Variants in MYO5B observed in about 807,000 individuals in gnomAD.
The protein encoded by MYO5B is myosin VB, also known as unconventional myosin-Vb.
MYO5B carries 143 observed loss-of-function variants against 229.3 expected under a neutral mutation model. The observed-to-expected ratio is 0.62, with a 90% CI of 0.54 to 0.72. The LOEUF (loss-of-function observed/expected upper bound fraction) is 0.72, where lower values mean the gene tolerates loss of function less well. Among genes scored for constraint, MYO5B ranks in the 30% least tolerant of loss-of-function variants. MYO5B has a pLI of 0.00. For missense variants in MYO5B, 2,321 were observed against 2,331.0 expected, an observed-to-expected ratio of 1.00 and a Z score of 0.09; for synonymous variants, 918 against 885.2, an observed-to-expected ratio of 1.04 and a Z score of -0.66.
At chr18:49,908,374 T>G (rs1367604995) in intron 18 of MYO5B, among the ~76,000 whole-genome samples, 1 of 152,156 alleles carries the variant, frequency 6.6e-6, no homozygotes, top group Non-Finnish European at 1.5e-5. Flanking sequence ...AGAACCTTTC[T>G]CCAAGAGTCA....
chr18:49,906,659 G>T, intron 18 of MYO5B, 29 bp from the exon 19 acceptor site: 1 of 1,581,992 alleles, frequency 6.3e-7, no homozygotes, highest in Non-Finnish European at 8.7e-7. Flanking sequence ...GGATCTGGTT[G>T]GTCACCAGTG....
chr18:49,994,402 T>C (rs930073657), intron 5 of MYO5B, among the ~76,000 whole-genome samples: 1 of 152,266 alleles, frequency 6.6e-6, no homozygotes, highest in Non-Finnish European at 1.5e-5. Context: ...AACTTGCCAC[T>C]GCAAAGTCTT....
At chr18:50,108,004 G>A (rs1047748668) in intron 1 of MYO5B, among the ~76,000 whole-genome samples, 9 of 152,138 alleles carry the variant, frequency 5.9e-5, no homozygotes, top group Non-Finnish European at 1.0e-4. Context: ...CGCCTCCCAG[G>A]TTCAAGCAAT....
At chr18:50,087,139 G>A (rs1048396824) in intron 1 of MYO5B, among the ~76,000 whole-genome samples, 1 of 152,212 alleles carries the variant, frequency 6.6e-6, no homozygotes, top group African/African-American at 2.4e-5. Flanking sequence ...CTCTCTCTCA[G>A]TATTCTGCAA....
intron 4 of MYO5B, among the ~76,000 whole-genome samples, chr18:50,015,122 T>C (rs1342680774): frequency 6.6e-6 from 1 of 152,204 alleles, no homozygotes; most frequent in East Asian, 1.9e-4. Flanking sequence ...CCCTCTGCAG[T>C]GGGTTCACGG....
chr18:49,965,595 C>T (rs898976808), intron 10 of MYO5B, among the ~76,000 whole-genome samples: 1 of 152,104 alleles, frequency 6.6e-6, no homozygotes, highest in Non-Finnish European at 1.5e-5. Context: ...GTAATGCCTC[C>T]AGCAGCCAAG....
intron 1 of MYO5B, among the ~76,000 whole-genome samples, chr18:50,180,836 G>A (rs1375034511): frequency 1.3e-5 from 2 of 152,216 alleles, no homozygotes; most frequent in Non-Finnish European, 2.9e-5. Flanking sequence ...TGCTGTAGCA[G>A]ATGTCAGAAT....
At chr18:50,190,801 A>G (rs1443789737) in intron 1 of MYO5B, among the ~76,000 whole-genome samples, 2 of 152,248 alleles carry the variant, frequency 1.3e-5, no homozygotes, top group Non-Finnish European at 2.9e-5. Context: ...TAAATGTTTC[A>G]TATTCCAATA....
chr18:50,132,419 G>T (rs917393760), intron 1 of MYO5B, among the ~76,000 whole-genome samples: 1 of 152,132 alleles, frequency 6.6e-6, no homozygotes, highest in African/African-American at 2.4e-5. Flanking sequence ...TGTAAAGATT[G>T]AATATGAGAT....
intron 6 of MYO5B, among the ~76,000 whole-genome samples, chr18:49,991,506 G>A (rs2025932062): frequency 6.6e-6 from 1 of 152,118 alleles, no homozygotes; most frequent in Non-Finnish European, 1.5e-5. Flanking sequence ...AAGTCAGGAT[G>A]GAGGAGGAGA....
At chr18:49,967,401 C>T (rs1042587738) in intron 10 of MYO5B, among the ~76,000 whole-genome samples, 1 of 152,136 alleles carries the variant, frequency 6.6e-6, no homozygotes, top group Non-Finnish European at 1.5e-5. Flanking sequence ...CAGTGAGATG[C>T]TTTGAAGATT....
At chr18:49,954,066 GTGTGTA>G (rs2025464082) in intron 13 of MYO5B, among the ~76,000 whole-genome samples, 4 of 139,132 alleles carry the variant, frequency 2.9e-5, no homozygotes, top group African/African-American at 5.5e-5. Context: ...GTGTGTGTGT[GTGTGTA>G]TTCATATATA....
At chr18:50,192,324 T>C (rs1413453568) in intron 1 of MYO5B, among the ~76,000 whole-genome samples, 1 of 152,218 alleles carries the variant, frequency 6.6e-6, no homozygotes, top group Non-Finnish European at 1.5e-5. Flanking sequence ...TTTCTTTGAA[T>C]TGTAACGGGA....
At position 49,979,722 on chromosome 18, in the gene MYO5B, A is replaced by T. The variant is rs551423452; in HGVS notation, c.1056+722T>A. On this transcript the variant is annotated intron_variant, in intron 9 of 39. Transcript: ENST00000285039. ...CCAGAACCTGGCCATAAATGGGCAT[A>T]AGAGGTATAGAATAAACAGTTGCAG... Among the ~76,000 whole-genome samples, 3 of 152,340 alleles carry T rather than the reference A, an allele frequency of 2.0e-5. No homozygotes were observed. In the South Asian group the frequency reaches 6.2e-4, roughly 32 times the overall value.
At chr18:50,143,658 T>G (rs1468659674) in intron 1 of MYO5B, among the ~76,000 whole-genome samples, 1 of 152,084 alleles carries the variant, frequency 6.6e-6, no homozygotes, top group Non-Finnish European at 1.5e-5. Flanking sequence ...CCCAAATGAC[T>G]ACAGGTAGAA....
At chr18:50,096,642 G>A (rs933844359) in intron 1 of MYO5B, among the ~76,000 whole-genome samples, 2 of 152,116 alleles carry the variant, frequency 1.3e-5, no homozygotes, top group African/African-American at 2.4e-5. Flanking sequence ...TAACTTCTAC[G>A]ATGTACCCAC....
At chr18:49,876,039 T>C (rs2024518456) in intron 25 of MYO5B, among the ~76,000 whole-genome samples, 1 of 152,204 alleles carries the variant, frequency 6.6e-6, no homozygotes, top group Non-Finnish European at 1.5e-5. Context: ...CCAGATAACA[T>C]CTGAGTCTCA....
intron 9 of MYO5B, among the ~76,000 whole-genome samples, chr18:49,975,105 G>A (rs979555365): frequency 6.6e-6 from 1 of 152,156 alleles, no homozygotes; most frequent in African/African-American, 2.4e-5. Context: ...TATGCATGCA[G>A]TGCTTGACCC....
chr18:50,104,265 G>GATATATATATATAT (rs3075606), intron 1 of MYO5B, among the ~76,000 whole-genome samples: 126 of 134,542 alleles, frequency 9.4e-4, no homozygotes, highest in East Asian at 2.8e-3. Context: ...ATCTATACAT[G>GATATATATATATAT]ATATATATAT....
Sources: gnomAD v4.1 joint callset for allele counts (sites outside exome capture counted in the v4.1 genomes callset) on GRCh38, gnomAD v4.1.1 for gene constraint, MANE v1.5 for transcripts, NCBI Gene and HGNC (gene_info 2026-07-23, HGNC 2026-07-21) for gene names.